The following NKAIN2 variants were observed in gnomAD, a reference collection of about 807,000 sequenced individuals.
The protein encoded by NKAIN2 is sodium/potassium-transporting ATPase subunit beta-1-interacting protein 2.
In NKAIN2, 14 loss-of-function variants were observed where a neutral mutation model predicts 32.6. The ratio of observed to expected loss-of-function variants is 0.43; its 90% CI spans 0.28 to 0.67. NKAIN2 has a LOEUF of 0.67. NKAIN2 is among the 30% of genes least tolerant of loss of function. The pLI is 0.17. For synonymous variants in NKAIN2, 80 were observed against 87.2 expected (o/e 0.92, Z 0.46); for missense variants, 198 against 258.3 (o/e 0.77, Z 1.60).
chr6:124,610,842 T>G (rs1481100940), intron 3 of NKAIN2, among the ~76,000 whole-genome samples: 1 of 152,170 alleles, frequency 6.6e-6, no homozygotes, highest in Non-Finnish European at 1.5e-5. Context: ...GACTTTTTTT[T>G]AAAGAAATGT....
intron 1 of NKAIN2, among the ~76,000 whole-genome samples, chr6:124,187,156 T>C (rs1789786236): frequency 6.6e-6 from 1 of 152,180 alleles, no homozygotes; most frequent in Non-Finnish European, 1.5e-5. Context: ...GAGTCTTTAA[T>C]ACTTTTCTTA....
At chr6:124,740,128 TG>T (rs1777132474) in intron 4 of NKAIN2, among the ~76,000 whole-genome samples, 1 of 151,444 alleles carries the variant, frequency 6.6e-6, no homozygotes. Context: ...TGGTTGCCCC[TG>T]TTTTTTTTTT....
At chr6:124,276,562 A>G (rs1357047680) in intron 1 of NKAIN2, among the ~76,000 whole-genome samples, 2 of 152,116 alleles carry the variant, frequency 1.3e-5, no homozygotes, top group Non-Finnish European at 2.9e-5. Context: ...TCTCTTGCAT[A>G]TAATGTTTAA....
At chr6:124,788,425 C>G (rs1264873711) in intron 4 of NKAIN2, among the ~76,000 whole-genome samples, 1 of 152,026 alleles carries the variant, frequency 6.6e-6, no homozygotes, top group Non-Finnish European at 1.5e-5. Context: ...TCTCTTCTCA[C>G]ACTGCTAATA....
chr6:124,554,400 G>A (rs1583431009), intron 3 of NKAIN2, among the ~76,000 whole-genome samples: 1 of 152,182 alleles, frequency 6.6e-6, no homozygotes, highest in African/African-American at 2.4e-5. Flanking sequence ...TCAGTAAAAT[G>A]TTTATCAAAG....
chr6:124,528,570 T>C (rs900575850), intron 3 of NKAIN2, among the ~76,000 whole-genome samples: 2 of 152,140 alleles, frequency 1.3e-5, no homozygotes, highest in Non-Finnish European at 2.9e-5. Context: ...TTACCACATA[T>C]AGAGAAATAT....
intron 3 of NKAIN2, among the ~76,000 whole-genome samples, chr6:124,389,643 A>G (rs1773055043): frequency 6.6e-6 from 1 of 151,666 alleles, no homozygotes; most frequent in Non-Finnish European, 1.5e-5. Flanking sequence ...TTTTCCCAAA[A>G]GGTCAAAACT....
intron 4 of NKAIN2, among the ~76,000 whole-genome samples, chr6:124,722,060 T>C (rs931553133): frequency 3.3e-5 from 5 of 152,166 alleles, no homozygotes; most frequent in African/African-American, 4.8e-5. Flanking sequence ...CTAATATGAG[T>C]GGAATCAGAC....
chr6:123,828,401 A>G (rs547430482), intron 1 of NKAIN2, among the ~76,000 whole-genome samples: 2 of 152,290 alleles, frequency 1.3e-5, no homozygotes, highest in African/African-American at 2.4e-5. Flanking sequence ...GTGATACTCA[A>G]ATAAATAAAA....
chr6:124,095,570 G>A (rs1390242621), intron 1 of NKAIN2, among the ~76,000 whole-genome samples: 1 of 152,054 alleles, frequency 6.6e-6, no homozygotes, highest in Non-Finnish European at 1.5e-5. Flanking sequence ...AACATGATGT[G>A]TACTTAAGTT....
chr6:123,860,506 GC>G (rs1378631281), intron 1 of NKAIN2, among the ~76,000 whole-genome samples: 5 of 152,070 alleles, frequency 3.3e-5, no homozygotes, highest in Non-Finnish European at 5.9e-5. Flanking sequence ...AACCTCCTGG[GC>G]TCAAGTGATC....
chr6:124,479,352 G>T (rs1777357002), intron 3 of NKAIN2, among the ~76,000 whole-genome samples: 1 of 152,144 alleles, frequency 6.6e-6, no homozygotes, highest in Admixed American at 6.5e-5. Context: ...CTGGTTGTGG[G>T]TATATGGCAA....
chr6:124,209,145 T>C (rs1307060414), intron 1 of NKAIN2, among the ~76,000 whole-genome samples: 2 of 151,614 alleles, frequency 1.3e-5, no homozygotes, highest in African/African-American at 4.8e-5. Flanking sequence ...GAGCCTCTGG[T>C]AACCATCACT....
chr6:124,034,907 T>A (rs1781545769), intron 1 of NKAIN2, among the ~76,000 whole-genome samples: 1 of 152,058 alleles, frequency 6.6e-6, no homozygotes, highest in Non-Finnish European at 1.5e-5. Context: ...TTTGGCCACT[T>A]GTCTGTCTTT....
intron 3 of NKAIN2, among the ~76,000 whole-genome samples, chr6:124,422,563 C>T (rs985503230): frequency 6.6e-6 from 1 of 152,202 alleles, no homozygotes; most frequent in African/African-American, 2.4e-5. Flanking sequence ...GAGATTACCA[C>T]ACTCAAATTT....
intron 1 of NKAIN2, among the ~76,000 whole-genome samples, chr6:124,279,510 C>CA (rs10545991): frequency 0.037 from 2,879 of 78,348 alleles, 56 homozygotes; most frequent in Non-Finnish European, 0.055. Flanking sequence ...GATTCCATCT[C>CA]AAAAAAAAAA....
intron 1 of NKAIN2, among the ~76,000 whole-genome samples, chr6:124,223,028 A>G (rs1332916322): frequency 6.6e-6 from 1 of 152,060 alleles, no homozygotes; most frequent in Non-Finnish European, 1.5e-5. Flanking sequence ...CCTGGCCAAC[A>G]TGGTGAAACC....
At chr6:124,164,507 G>A (rs1788434919) in intron 1 of NKAIN2, among the ~76,000 whole-genome samples, 1 of 152,022 alleles carries the variant, frequency 6.6e-6, no homozygotes, top group South Asian at 2.1e-4. Context: ...CAAGTACCAT[G>A]GGGAAATCAG....
chr6:124,648,023 C>T (rs1784241513), intron 3 of NKAIN2, among the ~76,000 whole-genome samples: 1 of 152,166 alleles, frequency 6.6e-6, no homozygotes, highest in African/African-American at 2.4e-5. Context: ...GGAAGAGAGA[C>T]TTCAATATTG....
Sources: allele counts gnomAD v4.1 joint callset (sites outside exome capture counted in the v4.1 genomes callset), GRCh38; gene constraint gnomAD v4.1.1; transcripts MANE v1.5; gene names NCBI Gene and HGNC (gene_info 2026-07-23, HGNC 2026-07-21).